IQSEC3: variants seen among roughly 807,000 people sequenced by gnomAD.
IQSEC3 encodes the protein IQ motif and SEC7 domain-containing protein 3.
In IQSEC3, 50 loss-of-function variants were observed where a neutral mutation model predicts 105.4. That is an observed-to-expected ratio of 0.47 (90% confidence interval 0.38 to 0.60). IQSEC3 has a LOEUF of 0.60. IQSEC3 is among the 20% of genes least tolerant of loss of function. IQSEC3 has a pLI of 0.00. For synonymous variants in IQSEC3, 708 were observed against 746.0 expected, an observed-to-expected ratio of 0.95 and a Z score of 0.83; for missense variants, 1,415 against 1,630.0, an observed-to-expected ratio of 0.87 and a Z score of 2.27.
chr12:117,568 TGG>T (rs1865088452), intron 2 of IQSEC3, among the ~76,000 whole-genome samples: 1 of 152,084 alleles, frequency 6.6e-6, no homozygotes, highest in Non-Finnish European at 1.5e-5. Flanking sequence ...AGCCACCCTG[TGG>T]CCCACCTTGA....
At chr12:126,001 GT>G (rs1259917012) in intron 3 of IQSEC3, 89 bp downstream of exon 3, 11 of 1,311,694 alleles carry the variant, frequency 8.4e-6, no homozygotes, top group Middle Eastern at 2.6e-4. Context: ...TCCCCGCTGG[GT>G]CCCCTCCGCT....
intron 2 of IQSEC3, among the ~76,000 whole-genome samples, chr12:116,738 C>A (rs569328953): frequency 1.3e-5 from 2 of 151,710 alleles, no homozygotes; most frequent in African/African-American, 2.4e-5. Context: ...GAGGCTCCCA[C>A]GAGGCTCCCA....
intron 3 of IQSEC3, among the ~76,000 whole-genome samples, chr12:133,599 A>G (rs1865664506): frequency 6.6e-6 from 1 of 152,276 alleles, no homozygotes; most frequent in Non-Finnish European, 1.5e-5. Flanking sequence ...GGGTTGGGTC[A>G]GCATCTGGCC....
chr12:139,187 G>C lies in IQSEC3; in HGVS notation c.1824G>C (p.Lys608Asn). 2 of 1,589,416 alleles carry C rather than the reference G, an allele frequency of 1.3e-6. No homozygotes were observed. Among genetic ancestry groups the C allele is most frequent in the Non-Finnish European group, 1.7e-6 (2 of 1,170,198 alleles). Reference protein sequence around the residue: ...SSSSTSTKSAKSGSEASASAS... With the variant: ...SSSSTSTKSANSGSEASASAS... ...GCAGCACGTCCACCAAGTCCGCCAA[G>C]TCAGGCTCGGAGGCGTCGGCCTCCG... The change falls in exon 4 of 14, where the codon AAG becomes AAC. Residue 608 changes from lysine to asparagine, a missense_variant. Transcript: ENST00000538872.
intron 1 of IQSEC3, among the ~76,000 whole-genome samples, chr12:84,970 A>G (rs1863870577): frequency 6.6e-6 from 1 of 152,178 alleles, no homozygotes; most frequent in African/African-American, 2.4e-5. Flanking sequence ...GTGCAGCAAA[A>G]AAAGTCAGAG....
intron 5 of IQSEC3, chr12:149,087 T>G (rs1172617955): frequency 1.3e-5 from 2 of 152,244 alleles, no homozygotes; most frequent in East Asian, 3.8e-4. Flanking sequence ...ACCTGTTTCT[T>G]CAGAGGCAGG....
intron 10 of IQSEC3, 55 bp downstream of exon 10, chr12:165,588 G>T: frequency 6.5e-7 from 1 of 1,548,328 alleles, no homozygotes; most frequent in Non-Finnish European, 8.9e-7. Context: ...GGATGAAATG[G>T]CTGGGGCGAG....
chr12:134,011 G>T (rs781810356), intron 3 of IQSEC3, among the ~76,000 whole-genome samples: 1 of 152,246 alleles, frequency 6.6e-6, no homozygotes, highest in African/African-American at 2.4e-5. Context: ...CAGCAGTTAC[G>T]CTGTAGCCTG....
In IQSEC3 at chr12:165,719, T is replaced by C. The variant is rs1555098171; in HGVS notation, c.2810-10T>C. The C allele has an allele frequency of 1.9e-6, 3 of 1,613,000 alleles. No individual in the cohort carries two copies. The African/African-American group carries it at 4.0e-5, about 22-fold the overall frequency. ...CACAGCCCACTGGGGGCCTGGGGTC[T>C]GCTTTCCAGATTACTCTCATGGCAT... On this transcript the variant is annotated splice_polypyrimidine_tract_variant and intron_variant, in intron 10 of 13. Transcript: ENST00000538872.
intron 3 of IQSEC3, among the ~76,000 whole-genome samples, chr12:130,621 C>T (rs7973597): frequency 0.35 from 53,571 of 152,108 alleles, 9,730 homozygotes; most frequent in South Asian, 0.45. Flanking sequence ...GACCTCACTA[C>T]TAGCTGAGCC....
intron 5 of IQSEC3, among the ~76,000 whole-genome samples, chr12:154,955 C>G (rs1321362186): frequency 1.3e-5 from 2 of 151,166 alleles, no homozygotes; most frequent in African/African-American, 4.9e-5. Flanking sequence ...CTCTGACCCC[C>G]TTGCTGCGTG....
In IQSEC3 at chr12:175,120, G is replaced by GC; in HGVS notation, c.*87_*88insC. The GC allele has an allele frequency of 9.6e-7, 1 of 1,037,188 alleles. No individual in the cohort carries two copies. Among genetic ancestry groups the GC allele is most frequent in the Non-Finnish European group, 1.4e-6 (1 of 738,458 alleles). The allele number at this position is 1,037,188 out of a possible 1,614,324, so 64.2% of individuals were successfully genotyped here. Reference sequence around the variant, plus strand: ...TCCACTGCTCCCCATACCCTGGCACGATGCGTTCCTGGTCACTGATCACCA... The same window carrying GC: ...TCCACTGCTCCCCATACCCTGGCACGCATGCGTTCCTGGTCACTGATCACCA... On this transcript the variant is annotated 3_prime_UTR_variant, in exon 14 of 14. Transcript: ENST00000538872.
chr12:163,738 C>T (rs1867035418), intron 9 of IQSEC3, 119 bp downstream of exon 9: 1 of 743,942 alleles, frequency 1.3e-6, no homozygotes, highest in East Asian at 2.6e-5. Context: ...AGACAGAATG[C>T]CTGTTCCGTG....
chr12:120,945 A>G (rs1865198160), intron 2 of IQSEC3, among the ~76,000 whole-genome samples: 1 of 152,220 alleles, frequency 6.6e-6, no homozygotes, highest in South Asian at 2.1e-4. Context: ...TGTGACCAGC[A>G]TCGCTCATAT....
intron 2 of IQSEC3, among the ~76,000 whole-genome samples, chr12:111,407 G>A (rs782006606): frequency 3.3e-5 from 5 of 152,076 alleles, no homozygotes; most frequent in African/African-American, 2.4e-5. Flanking sequence ...TCTCCCCAGC[G>A]GACTATTTGG....
At chr12:71,117 T>A (rs1301763201) in intron 1 of IQSEC3, among the ~76,000 whole-genome samples, 1 of 152,274 alleles carries the variant, frequency 6.6e-6, no homozygotes, top group Non-Finnish European at 1.5e-5. Flanking sequence ...CCTCTTCTCA[T>A]TCTGGCTGGA....
intron 2 of IQSEC3, among the ~76,000 whole-genome samples, chr12:105,730 T>G (rs1864626092): frequency 1.3e-5 from 2 of 152,188 alleles, no homozygotes; most frequent in South Asian, 4.1e-4. Flanking sequence ...TAGGAAGGTT[T>G]TGTCTTGTCA....
At chr12:141,537 T>C (rs1866028926) in intron 5 of IQSEC3, 3 of 448,862 alleles carry the variant, frequency 6.7e-6, no homozygotes. Context: ...ACAGAAATGG[T>C]CCAAAGAGAC....
intron 5 of IQSEC3, chr12:141,569 A>C (rs1866029858): frequency 2.6e-6 from 1 of 385,190 alleles, no homozygotes; most frequent in East Asian, 3.9e-5. Flanking sequence ...TCTGCCTGTC[A>C]CTCTCCAGGG....
Sources: gnomAD v4.1 joint callset for allele counts (sites outside exome capture counted in the v4.1 genomes callset) on GRCh38, gnomAD v4.1.1 for gene constraint, MANE v1.5 for transcripts, NCBI Gene and HGNC (gene_info 2026-07-23, HGNC 2026-07-21) for gene names.